Variants in TEPSIN observed in about 807,000 individuals in gnomAD.
TEPSIN encodes AP-4 complex accessory subunit tepsin.
A neutral mutation model predicts 48.5 loss-of-function variants in TEPSIN; 50 were observed. That is an observed-to-expected ratio of 1.03 (90% CI 0.82 to 1.31). The LOEUF is 1.31. TEPSIN is among the 50% of genes most tolerant of loss of function. The pLI is 0.00. For missense variants in TEPSIN, 838 were observed against 815.9 expected (o/e 1.03, Z -0.33); for synonymous variants, 392 against 358.8 (o/e 1.09, Z -1.05).
At position 81,233,942 on chromosome 17, in the gene TEPSIN, G is replaced by A. The variant is rs766928407; in HGVS notation, c.375+39C>T. 6.3e-7 allele frequency: 1 copy of A among 1,577,982 alleles called. No homozygotes were observed. Among genetic ancestry groups the A allele is most frequent in the Non-Finnish European group, 8.6e-7 (1 of 1,167,724 alleles). On this transcript the variant is annotated intron_variant, in intron 5 of 12. Transcript: ENST00000637944. This position sits in a 1 kb window ranked among gnomAD's most constrained non-coding sequence, Gnocchi z 5.8. ...CCCCAATCCCACCCCTCTACAGGAG[G>A]AGGGGCACCCCGCAGAGCGACACTG...
In TEPSIN at chr17:81,234,616, C is replaced by T. The variant is rs375889533; in HGVS notation, c.308-568G>A. ...GAGAGCTGTGCCTCTGAGAACCCCT[C>T]GAGAGCCTCTGTCACAGGCGAATCC... On this transcript the variant is annotated intron_variant, in intron 4 of 12. Transcript: ENST00000637944. The surrounding 1 kb of genome is among the most constrained non-coding windows in gnomAD (Gnocchi z 5.4). 2.6e-5 allele frequency among the ~76,000 whole-genome samples: 4 copies of T among 152,246 alleles called. No individual in the cohort carries two copies. Among genetic ancestry groups the T allele is most frequent in the African/African-American group, 9.6e-5 (4 of 41,546 alleles).
rs1174541584 is a variant in TEPSIN at position 81,234,247 on chromosome 17, C to A, written c.308-199G>T. 2.2e-6 allele frequency: 1 copy of A among 461,734 alleles called. No homozygotes were observed. Among genetic ancestry groups the A allele is most frequent in the East Asian group, 3.6e-5 (1 of 28,058 alleles). 28.6% of individuals were successfully genotyped at this position (461,734 alleles called of 1,614,324 possible). A position where few individuals can be genotyped will look rare whatever the true frequency, so the allele number is the denominator to read the frequency against. ...GACCCTCAGCTCCCCCTCACCCATG[C>A]CCCACAGAGGCGAGACTCTCTCCAC... is the stretch of plus-strand genomic sequence containing the variant. On this transcript the variant is annotated intron_variant, in intron 4 of 12. Coordinates refer to ENST00000637944, the MANE Select transcript of TEPSIN (RefSeq NM_001363764.2). The surrounding 1 kb of genome is among the most constrained non-coding windows in gnomAD (Gnocchi z 5.4).
rs1249650623 is a variant in TEPSIN, at chr17:81,234,127, C to T, written c.308-79G>A. 1 of 1,343,268 alleles carries T rather than the reference C, an allele frequency of 7.4e-7. No individual in the cohort carries two copies. Among genetic ancestry groups the T allele is most frequent in the Admixed American group, 3.2e-5 (1 of 31,384 alleles). The allele number at this position is 1,343,268 out of a possible 1,614,324, so 83.2% of individuals were successfully genotyped here. ...CCCTGTGGAGCACGGTGCCCTGGGC[C>T]CACTCCAGGGTGGCAAGTTCCTGCC... On this transcript the variant is annotated intron_variant, in intron 4 of 12. Coordinates refer to ENST00000637944, the MANE Select transcript of TEPSIN (RefSeq NM_001363764.2). The surrounding 1 kb of genome is among the most constrained non-coding windows in gnomAD (Gnocchi z 5.4).
At chr17:81,238,928 A>C in intron 1 of TEPSIN, 58 bp downstream of exon 1, 5 of 1,400,180 alleles carry the variant, frequency 3.6e-6, no homozygotes, top group Non-Finnish European at 4.6e-6. Context: ...GAGTCCGGGG[A>C]ATGCGGCGCT....
At chr17:81,231,161 C>T (rs557497707) in intron 11 of TEPSIN, 10 of 581,998 alleles carry the variant, frequency 1.7e-5, no homozygotes, top group South Asian at 2.1e-5. Flanking sequence ...ATACCACACA[C>T]GTGCACAAGT....
intron 1 of TEPSIN, chr17:81,238,270 G>T (rs1396735559): frequency 5.7e-6 from 4 of 696,412 alleles, no homozygotes; most frequent in Non-Finnish European, 7.1e-6. Context: ...GAGGTTTGCA[G>T]GTGACAGCTG....
rs773746094 is a variant in TEPSIN at position 81,229,302 on chromosome 17, G to A, written c.1408C>T (p.Arg470Trp). The change falls in exon 13 of 13, where the codon CGG becomes TGG. Residue 470 changes from arginine (R) to tryptophan (W), a missense_variant. Physicochemically the swap from Arg to Trp is moderately radical, Grantham distance 101. Coordinates refer to ENST00000637944, the MANE Select transcript of TEPSIN (RefSeq NM_001363764.2). ...ATCCCAGATGAGGGAGCAGGGCTCC[G>A]GGACGAGACCGGGGTTGAACTCAGA... ...QPLSSTPVSS[R>W]SPAPSSGMPS... is the part of the protein sequence containing the mutation. The A allele has an allele frequency of 1.0e-5, 16 of 1,573,480 alleles. No homozygotes were observed. Among genetic ancestry groups the A allele is most frequent in the South Asian group, 4.6e-5 (4 of 86,190 alleles).
At position 81,237,024 on chromosome 17, in the gene TEPSIN, G is replaced by A; in HGVS notation, c.169C>T (p.Leu57Phe). 6.3e-7 allele frequency: 1 copy of A among 1,598,692 alleles called. No individual in the cohort carries two copies. The highest frequency in any genetic ancestry group is 8.5e-7 in the Non-Finnish European group (1 of 1,173,202). The change falls in exon 3 of 13, where the codon CTC becomes TTC. Residue 57 changes from leucine to phenylalanine, a missense_variant. Transcript: ENST00000637944. ...GAGCTGCTGTGCAGGCGGCTCAGGA[G>A]GTACTCCAGCAGGCACTGGCTGCTG... ...PGSSQCLLEY[L>F]LSRLHSSSGH...
intron 8 of TEPSIN, 85 bp downstream of exon 8, chr17:81,232,230 G>C: frequency 2.1e-6 from 3 of 1,403,664 alleles, no homozygotes; most frequent in South Asian, 2.9e-5. Flanking sequence ...GGAGGCCCTG[G>C]GATTTGCCTC....
intron 4 of TEPSIN, among the ~76,000 whole-genome samples, chr17:81,236,163 G>C (rs772738682): frequency 6.6e-6 from 1 of 152,150 alleles, no homozygotes; most frequent in Non-Finnish European, 1.5e-5. Context: ...CCAAGCCTGC[G>C]GGGACAGCTC....
chr17:81,232,095 G>A, intron 8 of TEPSIN, 74 bp from the exon 9 acceptor site: 1 of 1,530,420 alleles, frequency 6.5e-7, no homozygotes, highest in Admixed American at 1.9e-5. Flanking sequence ...CGGGGCCCTG[G>A]ACCAGGAGGC....
intron 3 of TEPSIN, 36 bp downstream of exon 3, chr17:81,236,944 G>T (rs893939785): frequency 1.9e-6 from 3 of 1,545,706 alleles, no homozygotes; most frequent in Admixed American, 3.9e-5. Context: ...CGTGGGCCGG[G>T]CCTCAGGCCT....
At chr17:81,238,307 A>T (rs991867056) in intron 1 of TEPSIN, 1 of 446,894 alleles carries the variant, frequency 2.2e-6, no homozygotes, top group Non-Finnish European at 3.0e-6. Context: ...GCACAGAACG[A>T]CTATGTCGAA....
chr17:81,233,898 C>T lies in TEPSIN; in HGVS notation c.375+83G>A. On this transcript the variant is annotated intron_variant, in intron 5 of 12. Transcript: ENST00000637944. This position sits in a 1 kb window ranked among gnomAD's most constrained non-coding sequence, Gnocchi z 5.8. The stretch of plus-strand genomic sequence containing the variant: ...GGTCCCGGATGGGAGAACTGCAAAC[C>T]CCCCAGCTGACATCCTGGCCCCAAT... The T allele has an allele frequency of 6.8e-7, 1 of 1,468,024 alleles. No homozygotes were observed. The highest frequency in any genetic ancestry group is 2.5e-5 in the Admixed American group (1 of 39,254). 90.9% of individuals were successfully genotyped at this position (1,468,024 alleles called of 1,614,324 possible).
Position 81,233,098 on chromosome 17 carries a change from A to T in TEPSIN, c.526+334T>A. On this transcript the variant is annotated intron_variant, in intron 7 of 12. Coordinates refer to ENST00000637944, the MANE Select transcript of TEPSIN (RefSeq NM_001363764.2). The surrounding 1 kb of genome is among the most constrained non-coding windows in gnomAD (Gnocchi z 5.8). ...CTGCCCCACCTCATAACAGCTCCAC[A>T]CGGGACTGCCTGAGTCACCTGCACC... 1.2e-5 allele frequency: 5 copies of T among 427,442 alleles called. No homozygotes were observed. The highest frequency in any genetic ancestry group is 2.1e-5 in the African/African-American group (1 of 48,548). The allele number at this position is 427,442 out of a possible 1,614,324, so 26.5% of individuals were successfully genotyped here.
In TEPSIN at chr17:81,230,834, G is replaced by A. The variant is rs796316410; in HGVS notation, c.1099-156C>T. ...GCTCCACCACAGCCCTGTCCTCACC[G>A]CCTTACACCCCGGATCCCAGACACC... On this transcript the variant is annotated intron_variant, in intron 11 of 12. Coordinates refer to ENST00000637944, the MANE Select transcript of TEPSIN (RefSeq NM_001363764.2). This position sits in a 1 kb window ranked among gnomAD's most constrained non-coding sequence, Gnocchi z 4.2. The A allele has an allele frequency of 3.4e-5, 31 of 907,002 alleles. No homozygotes were observed. The highest frequency in any genetic ancestry group is 2.4e-4 in the African/African-American group (13 of 54,336). The allele number at this position is 907,002 out of a possible 1,614,324, so 56.2% of individuals were successfully genotyped here.
In TEPSIN at chr17:81,233,075, GC is replaced by G. The variant is rs2062650972; in HGVS notation, c.526+356del. The G allele has an allele frequency of 5.6e-6, 2 of 358,250 alleles. No homozygotes were observed. The highest frequency in any genetic ancestry group is 2.1e-5 in the African/African-American group (1 of 46,710). 22.2% of individuals were successfully genotyped at this position (358,250 alleles called of 1,614,324 possible). On this transcript the variant is annotated intron_variant, in intron 7 of 12. Coordinates refer to ENST00000637944, the MANE Select transcript of TEPSIN (RefSeq NM_001363764.2). This position sits in a 1 kb window ranked among gnomAD's most constrained non-coding sequence, Gnocchi z 5.8. ...TGGTGAGCAGTTGTCCACTGGTACTGCCCCACCTCATAACAGCTCCACACGG... is the reference window on the plus strand; with the variant it reads ...TGGTGAGCAGTTGTCCACTGGTACTGCCCACCTCATAACAGCTCCACACGG...
rs2062518447 is a variant in TEPSIN, at chr17:81,228,794, TG to T, written c.*133del. 9.3e-7 allele frequency: 1 copy of T among 1,074,538 alleles called. No homozygotes were observed. The highest frequency in any genetic ancestry group is 2.7e-5 in the Admixed American group (1 of 37,338). 66.6% of individuals were successfully genotyped at this position (1,074,538 alleles called of 1,614,324 possible). A position where few individuals can be genotyped will look rare whatever the true frequency, so the allele number is the denominator to read the frequency against. On this transcript the variant is annotated 3_prime_UTR_variant, in exon 13 of 13. Transcript: ENST00000637944. ...CTCTGGCAGAGGAGATGGGGGAAAC[TG>T]AGGTAGCCCTAGGGTCGTCCTCTCA...
Position 81,231,464 on chromosome 17 carries a change from G to A in TEPSIN, c.1032C>T (p.Leu344=), listed in dbSNP as rs2062606904. The A allele has an allele frequency of 6.4e-7, 1 of 1,569,520 alleles. No individual in the cohort carries two copies. The highest frequency in any genetic ancestry group is 8.6e-7 in the Non-Finnish European group (1 of 1,157,376). The change falls in exon 11 of 13, where the codon CTC becomes CTT. Residue 344 remains leucine, a synonymous_variant. Coordinates refer to ENST00000637944, the MANE Select transcript of TEPSIN (RefSeq NM_001363764.2). ...GCAGCTGCAGCACGGCCTCACAGTT[G>A]AGCAGTCCACACCTGCACAGAGGGG... ...AQHFIKACGL[L]NCEAVLQLLT...
Sources: allele counts gnomAD v4.1 joint callset (sites outside exome capture counted in the v4.1 genomes callset), GRCh38; gene constraint gnomAD v4.1.1; non-coding constraint Gnocchi (gnomAD v3.1); transcripts MANE v1.5; gene names NCBI Gene and HGNC (gene_info 2026-07-23, HGNC 2026-07-21).